Variants in CSMD1 observed in about 807,000 individuals in gnomAD.
CSMD1 encodes the protein CUB and sushi domain-containing protein 1.
Under a neutral mutation model 417.5 loss-of-function variants are expected in CSMD1, and 213 were observed. The ratio of observed to expected loss-of-function variants is 0.51; its 90% CI spans 0.46 to 0.57. CSMD1 has a LOEUF of 0.57. CSMD1 is among the 20% of genes least tolerant of loss of function. The pLI is 0.00. For missense variants in CSMD1, 6,923 were observed against 4,529.7 expected (o/e 1.53, Z -15.17); for synonymous variants, 2,862 against 1,736.8 (o/e 1.65, Z -16.11).
chr8:3,450,630 T>TA (rs1563402531), intron 12 of CSMD1, among the ~76,000 whole-genome samples: 1 of 152,050 alleles, frequency 6.6e-6, no homozygotes, highest in Non-Finnish European at 1.5e-5. Flanking sequence ...CATGTCCCTA[T>TA]AAAGGACATG....
chr8:4,737,126 C>T (rs558170105), intron 1 of CSMD1, among the ~76,000 whole-genome samples: 1 of 151,788 alleles, frequency 6.6e-6, no homozygotes, highest in Admixed American at 6.5e-5. Flanking sequence ...AAATGTGGTA[C>T]ATCCATACCA....
In CSMD1 at chr8:3,464,838, T is replaced by C. The variant is rs563664759; in HGVS notation, c.1561+3874A>G. Among the ~76,000 whole-genome samples the C allele has an allele frequency of 7.9e-5, 12 of 152,286 alleles. 1 individual carries two copies. The East Asian group carries it at 1.9e-3, about 25-fold the overall frequency. On this transcript the variant is annotated intron_variant, in intron 12 of 69. Coordinates refer to ENST00000635120, the MANE Select transcript of CSMD1 (RefSeq NM_033225.6). ...AGTATTTTCATTTGTAAAATGGTTT[T>C]AAACAAAGCTTACCTCTCTCCCATT... is the stretch of plus-strand genomic sequence containing the variant.
At chr8:3,968,614 T>A (rs376534191) in intron 5 of CSMD1, among the ~76,000 whole-genome samples, 1 of 152,174 alleles carries the variant, frequency 6.6e-6, no homozygotes. Flanking sequence ...AAGGAAGATG[T>A]CTTTCTCTAC....
intron 23 of CSMD1, among the ~76,000 whole-genome samples, chr8:3,322,930 CTTTTTTTTGT>C (rs1563271638): frequency 6.6e-6 from 1 of 151,926 alleles, no homozygotes; most frequent in Non-Finnish European, 1.5e-5. Flanking sequence ...TTGTTTTTTG[CTTTTTTTTGT>C]TTTTGTTTTT....
chr8:2,981,149 T>C lies in CSMD1; in HGVS notation c.8378-2349A>G, dbSNP rs567246262. 1.1e-4 allele frequency among the ~76,000 whole-genome samples: 16 copies of C among 152,364 alleles called. No homozygotes were observed. In the East Asian group the frequency reaches 2.7e-3, roughly 26 times the overall value. ...AGGAATAATTTGATTTATTTGTCCA[T>C]GATAGAACTTCCATACCATTGTTGC... is the stretch of plus-strand genomic sequence containing the variant. On this transcript the variant is annotated intron_variant, in intron 54 of 69. Transcript: ENST00000635120.
chr8:4,137,057 C>G (rs1448969324), intron 3 of CSMD1, among the ~76,000 whole-genome samples: 1 of 152,204 alleles, frequency 6.6e-6, no homozygotes, highest in East Asian at 1.9e-4. Flanking sequence ...TTTTCGGGCT[C>G]TAACTTCCTT....
At chr8:3,545,989 A>G (rs1287722168) in intron 10 of CSMD1, among the ~76,000 whole-genome samples, 1 of 152,252 alleles carries the variant, frequency 6.6e-6, no homozygotes, top group Non-Finnish European at 1.5e-5. Flanking sequence ...ATTAGTCAAC[A>G]TATTGATGAG....
chr8:3,654,923 G>A (rs1160097482), intron 7 of CSMD1, among the ~76,000 whole-genome samples: 1 of 152,176 alleles, frequency 6.6e-6, no homozygotes, highest in Non-Finnish European at 1.5e-5. Flanking sequence ...GAGCCAGGGA[G>A]CATCTCATCT....
chr8:4,313,990 G>T (rs905177821), intron 3 of CSMD1, among the ~76,000 whole-genome samples: 15 of 151,098 alleles, frequency 9.9e-5, no homozygotes, highest in African/African-American at 3.7e-4. Context: ...CTCCAGCCTG[G>T]GCAACAAAGT....
At chr8:4,928,821 G>A (rs1302760919) in intron 1 of CSMD1, among the ~76,000 whole-genome samples, 1 of 152,112 alleles carries the variant, frequency 6.6e-6, no homozygotes, top group Non-Finnish European at 1.5e-5. Context: ...TGTAATCACA[G>A]GACTTTGGGA....
intron 5 of CSMD1, among the ~76,000 whole-genome samples, chr8:3,825,954 T>C (rs1278329846): frequency 1.3e-5 from 2 of 152,220 alleles, no homozygotes; most frequent in South Asian, 2.1e-4. Flanking sequence ...TAAGATTAAA[T>C]GCATCGTTTT....
At chr8:4,907,909 G>A (rs1319177635) in intron 1 of CSMD1, among the ~76,000 whole-genome samples, 6 of 151,950 alleles carry the variant, frequency 3.9e-5, no homozygotes, top group Admixed American at 1.3e-4. Context: ...AAAAAATTGT[G>A]TTTCTTTTTG....
At chr8:4,484,506 G>A (rs1801265026) in intron 2 of CSMD1, among the ~76,000 whole-genome samples, 1 of 152,040 alleles carries the variant, frequency 6.6e-6, no homozygotes, top group Admixed American at 6.6e-5. Flanking sequence ...GGGATCTTAA[G>A]CAAGTTTGGT....
At chr8:3,286,750 A>C (rs1400216606) in intron 25 of CSMD1, among the ~76,000 whole-genome samples, 1 of 152,022 alleles carries the variant, frequency 6.6e-6, no homozygotes, top group African/African-American at 2.4e-5. Flanking sequence ...TAGATTGCAA[A>C]AATTTTCTCC....
At chr8:3,080,173 C>T (rs544245962) in intron 49 of CSMD1, among the ~76,000 whole-genome samples, 1 of 152,316 alleles carries the variant, frequency 6.6e-6, no homozygotes, top group African/African-American at 2.4e-5. Flanking sequence ...CTGGGAGTTG[C>T]TCTCTCTTTG....
chr8:4,338,651 G>C lies in CSMD1; in HGVS notation c.415+81302C>G, dbSNP rs540935503. On this transcript the variant is annotated intron_variant, in intron 3 of 69. Transcript: ENST00000635120. ...TCCATAAATTTAGCTGTCATAAAAT[G>C]TGCTCACGGGTGAGTCAGAAATAGA... is the stretch of plus-strand genomic sequence containing the variant. 1.1e-3 allele frequency among the ~76,000 whole-genome samples: 161 copies of C among 152,172 alleles called. 1 individual carries two copies. Among genetic ancestry groups the C allele is most frequent in the African/African-American group, 3.8e-3 (156 of 41,550 alleles).
intron 1 of CSMD1, among the ~76,000 whole-genome samples, chr8:4,957,299 C>T (rs1809183736): frequency 6.6e-6 from 1 of 152,112 alleles, no homozygotes; most frequent in African/African-American, 2.4e-5. Flanking sequence ...AAGGGCAAAG[C>T]CCCTAATATT....
intron 8 of CSMD1, among the ~76,000 whole-genome samples, chr8:3,590,165 ATAAC>A (rs950252644): frequency 1.8e-4 from 27 of 152,322 alleles, no homozygotes; most frequent in African/African-American, 6.5e-4. Context: ...TGTACTGAAA[ATAAC>A]TATGATCTAT....
intron 21 of CSMD1, among the ~76,000 whole-genome samples, chr8:3,350,675 G>C (rs1236656546): frequency 6.6e-6 from 1 of 152,076 alleles, no homozygotes; most frequent in Non-Finnish European, 1.5e-5. Context: ...AATTGCAGCT[G>C]ATATTTGTTA....
Sources: allele counts gnomAD v4.1 joint callset (sites outside exome capture counted in the v4.1 genomes callset), GRCh38; gene constraint gnomAD v4.1.1; transcripts MANE v1.5; gene names NCBI Gene and HGNC (gene_info 2026-07-23, HGNC 2026-07-21).